Variants in EIPR1 observed in about 807,000 individuals in gnomAD.
EIPR1 encodes the protein EARP and GARP complex-interacting protein 1.
In EIPR1, 25 loss-of-function variants were observed where a neutral mutation model predicts 48.1. That is an observed-to-expected ratio of 0.52 (90% CI 0.38 to 0.73). The LOEUF is 0.73. EIPR1 is among the 30% of genes least tolerant of loss of function. EIPR1 has a pLI of 0.00. For missense variants in EIPR1, 415 were observed against 506.2 expected, an observed-to-expected ratio of 0.82 and a Z score of 1.73; for synonymous variants, 204 against 201.9, an observed-to-expected ratio of 1.01 and a Z score of -0.09.
chr2:3,235,929 C>G (rs1285168002), intron 4 of EIPR1, among the ~76,000 whole-genome samples: 1 of 152,208 alleles, frequency 6.6e-6, no homozygotes, highest in Admixed American at 6.5e-5. Context: ...ACAGCTCTCC[C>G]TCCCAGTGAG....
At chr2:3,341,923 A>C (rs898069633) in intron 2 of EIPR1, among the ~76,000 whole-genome samples, 1 of 152,198 alleles carries the variant, frequency 6.6e-6, no homozygotes, top group Non-Finnish European at 1.5e-5. Context: ...AATGACTCAA[A>C]AATTTAAAAA....
chr2:3,202,044 T>C (rs1357843385), intron 5 of EIPR1, among the ~76,000 whole-genome samples: 3 of 152,112 alleles, frequency 2.0e-5, no homozygotes, highest in Non-Finnish European at 4.4e-5. Context: ...TTCACGCCAT[T>C]CTCCTGCCTC....
chr2:3,333,093 A>G (rs1669946456), intron 3 of EIPR1, among the ~76,000 whole-genome samples: 1 of 152,214 alleles, frequency 6.6e-6, no homozygotes, highest in Non-Finnish European at 1.5e-5. Flanking sequence ...GGAGCTCAAC[A>G]CTGACATTCC....
chr2:3,271,575 G>C (rs1249985207), intron 3 of EIPR1, among the ~76,000 whole-genome samples: 2 of 152,134 alleles, frequency 1.3e-5, no homozygotes, highest in Admixed American at 6.5e-5. Flanking sequence ...TTGCCAATGG[G>C]GAGTAATTTT....
chr2:3,214,467 G>A (rs1290832723), intron 4 of EIPR1: 1 of 445,712 alleles, frequency 2.2e-6, no homozygotes, highest in East Asian at 4.1e-5. Context: ...TTCATGTGTG[G>A]AAGTCCTAGC....
At chr2:3,350,961 AAC>A (rs1553304806) in intron 2 of EIPR1, among the ~76,000 whole-genome samples, 2 of 151,038 alleles carry the variant, frequency 1.3e-5, no homozygotes, top group Non-Finnish European at 3.0e-5. Flanking sequence ...AAAAAAAAAA[AAC>A]AAATTAAGGT....
chr2:3,190,027 G>T (rs1245231282), intron 8 of EIPR1, among the ~76,000 whole-genome samples: 2 of 152,092 alleles, frequency 1.3e-5, no homozygotes, highest in African/African-American at 4.8e-5. Context: ...GCTGGGCTGA[G>T]GATCCCCCAG....
At chr2:3,341,338 C>T (rs936345646) in intron 2 of EIPR1, among the ~76,000 whole-genome samples, 1 of 152,132 alleles carries the variant, frequency 6.6e-6, no homozygotes, top group Admixed American at 6.5e-5. Context: ...GCTCAGACTC[C>T]AGGAATCTGA....
chr2:3,349,240 C>T (rs181630695), intron 2 of EIPR1, among the ~76,000 whole-genome samples: 234 of 152,344 alleles, frequency 1.5e-3, no homozygotes, highest in African/African-American at 5.5e-3. Flanking sequence ...TGCGTGGGGC[C>T]ACCTGCCTCA....
chr2:3,226,463 G>C (rs1666069261), intron 4 of EIPR1, among the ~76,000 whole-genome samples: 1 of 152,098 alleles, frequency 6.6e-6, no homozygotes, highest in Admixed American at 6.5e-5. Context: ...TTTCTAAACT[G>C]GGTTATTTTG....
chr2:3,332,711 G>C (rs1031366617), intron 3 of EIPR1, among the ~76,000 whole-genome samples: 5 of 152,192 alleles, frequency 3.3e-5, no homozygotes, highest in Non-Finnish European at 5.9e-5. Context: ...TATCAGAAAG[G>C]AGAGTTCAAG....
intron 3 of EIPR1, among the ~76,000 whole-genome samples, chr2:3,329,051 C>T (rs112512628): frequency 9.3e-6 from 1 of 107,342 alleles, no homozygotes; most frequent in Non-Finnish European, 1.9e-5. Context: ...CCACCCACCA[C>T]GCTCTAATGA....
chr2:3,201,999 C>G (rs994547186), intron 5 of EIPR1, among the ~76,000 whole-genome samples: 12 of 152,108 alleles, frequency 7.9e-5, no homozygotes, highest in Admixed American at 2.0e-4. Context: ...TGCAGTGGCG[C>G]GATCTCGGCT....
chr2:3,279,870 T>G (rs1667965401), intron 3 of EIPR1, among the ~76,000 whole-genome samples: 1 of 152,224 alleles, frequency 6.6e-6, no homozygotes, highest in African/African-American at 2.4e-5. Context: ...CACCTCTCAC[T>G]TATATCCACG....
intron 3 of EIPR1, among the ~76,000 whole-genome samples, chr2:3,334,250 T>G (rs1459302288): frequency 1.3e-5 from 2 of 152,188 alleles, no homozygotes; most frequent in Non-Finnish European, 2.9e-5. Context: ...AAATTGCAAC[T>G]CTGATCTTTA....
chr2:3,247,754 T>A (rs1666877041), intron 4 of EIPR1, among the ~76,000 whole-genome samples: 1 of 152,192 alleles, frequency 6.6e-6, no homozygotes, highest in Admixed American at 6.5e-5. Context: ...ACCTAATCCT[T>A]TAATAGAAGA....
At chr2:3,280,296 G>A (rs1667975401) in intron 3 of EIPR1, among the ~76,000 whole-genome samples, 1 of 152,220 alleles carries the variant, frequency 6.6e-6, no homozygotes. Context: ...AAACCTTAAG[G>A]AGGCTCCACG....
intron 4 of EIPR1, among the ~76,000 whole-genome samples, chr2:3,238,889 C>T (rs564296146): frequency 6.6e-6 from 1 of 152,224 alleles, no homozygotes; most frequent in East Asian, 1.9e-4. Context: ...CGTCCACTAC[C>T]TAGCCTTGGA....
At chr2:3,333,685 G>A (rs1416289312) in intron 3 of EIPR1, among the ~76,000 whole-genome samples, 1 of 148,972 alleles carries the variant, frequency 6.7e-6, no homozygotes, top group Non-Finnish European at 1.5e-5. Context: ...AGGTTGCAGT[G>A]AGCCAAGATT....
Sources: allele counts gnomAD v4.1 joint callset (sites outside exome capture counted in the v4.1 genomes callset), GRCh38; gene constraint gnomAD v4.1.1; transcripts MANE v1.5; gene names NCBI Gene and HGNC (gene_info 2026-07-23, HGNC 2026-07-21).